Variants in COL4A3 observed in about 807,000 individuals in gnomAD.
COL4A3 encodes the protein collagen alpha-3(IV) chain.
Under a neutral mutation model 217.4 loss-of-function variants are expected in COL4A3, and 135 were observed. That is an observed-to-expected ratio of 0.62 (90% CI 0.54 to 0.72). COL4A3 has a LOEUF of 0.72. COL4A3 is among the 30% of genes least tolerant of loss of function. The probability of loss-of-function intolerance (pLI) is 0.00; values close to 1 mark genes in which losing one functional copy is unlikely to be tolerated. For synonymous variants in COL4A3, 690 were observed against 736.3 expected (o/e 0.94, Z 1.02); for missense variants, 1,868 against 2,119.9 (o/e 0.88, Z 2.33).
intron 3 of COL4A3, among the ~76,000 whole-genome samples, chr2:227,242,037 A>G (rs2069053896): frequency 6.6e-6 from 1 of 152,190 alleles, no homozygotes; most frequent in Non-Finnish European, 1.5e-5. Flanking sequence ...CTGGATGCCA[A>G]CTGGGTACCC....
At chr2:227,200,224 A>G (rs538616413) in intron 1 of COL4A3, among the ~76,000 whole-genome samples, 42 of 152,212 alleles carry the variant, frequency 2.8e-4, no homozygotes, top group Non-Finnish European at 5.0e-4. Flanking sequence ...GTATGTGTAG[A>G]TACAATTCGA....
intron 44 of COL4A3, 37 bp downstream of exon 44, chr2:227,303,147 C>G (rs756737386): frequency 1.3e-6 from 2 of 1,536,372 alleles, no homozygotes; most frequent in Non-Finnish European, 1.8e-6. Context: ...TATGCAAATA[C>G]CATAACCTCA....
intron 17 of COL4A3, chr2:227,256,679 T>C: frequency 1.7e-6 from 1 of 579,134 alleles, no homozygotes; most frequent in Non-Finnish European, 3.2e-6. Context: ...GAAAAAATCC[T>C]ACAATTGTAG....
At chr2:227,199,938 T>C (rs2066620941) in intron 1 of COL4A3, among the ~76,000 whole-genome samples, 1 of 152,224 alleles carries the variant, frequency 6.6e-6, no homozygotes, top group South Asian at 2.1e-4. Context: ...AACTCATAAA[T>C]TATATTGCAT....
intron 6 of COL4A3, among the ~76,000 whole-genome samples, chr2:227,246,422 T>C (rs1224302796): frequency 6.6e-6 from 1 of 152,220 alleles, no homozygotes; most frequent in Non-Finnish European, 1.5e-5. Flanking sequence ...TTACTCAAGT[T>C]TGAAGGAAAC....
At chr2:227,280,635 T>C (rs758333682) in intron 30 of COL4A3, 45 bp downstream of exon 30, 1 of 1,603,500 alleles carries the variant, frequency 6.2e-7, no homozygotes, top group African/African-American at 1.3e-5. Flanking sequence ...TGAGCTCTGC[T>C]AAAATGCAGC....
chr2:227,181,453 A>T lies in COL4A3; in HGVS notation c.87+16640A>T, dbSNP rs372028865. Among the ~76,000 whole-genome samples the T allele has an allele frequency of 4.4e-4, 67 of 152,376 alleles. 1 individual carries two copies. The highest frequency in any genetic ancestry group is 1.5e-3 in the African/African-American group (61 of 41,602). On this transcript the variant is annotated intron_variant, in intron 1 of 51. Transcript: ENST00000396578. ...ACTGCAACTAATTATTAGATTGAAC[A>T]TAACTATTCTTTATACACAGATCTT...
intron 1 of COL4A3, among the ~76,000 whole-genome samples, chr2:227,192,231 A>C (rs1423726957): frequency 6.6e-6 from 1 of 151,480 alleles, no homozygotes; most frequent in Non-Finnish European, 1.5e-5. Flanking sequence ...TTTGTCTTGA[A>C]CAGCTTGTCT....
chr2:227,298,834 G>T, intron 43 of COL4A3, 22 bp downstream of exon 43: 1 of 1,608,396 alleles, frequency 6.2e-7, no homozygotes, highest in South Asian at 1.1e-5. Flanking sequence ...TAATTATTTT[G>T]ACTCATTATT....
chr2:227,271,087 A>C, intron 25 of COL4A3, 135 bp downstream of exon 25: 1 of 787,656 alleles, frequency 1.3e-6, no homozygotes, highest in Non-Finnish European at 2.2e-6. Flanking sequence ...ACATCTTCAA[A>C]TTAGCAGGAA....
At chr2:227,168,874 CTT>C (rs61092725) in intron 1 of COL4A3, among the ~76,000 whole-genome samples, 3 of 150,484 alleles carry the variant, frequency 2.0e-5, no homozygotes, top group Admixed American at 1.3e-4. Context: ...TTCTTTCCTT[CTT>C]TTTTTTCTTT....
rs962722902 is a variant in COL4A3, at chr2:227,250,186, G to A, written c.547-954G>A. Among the ~76,000 whole-genome samples the A allele has an allele frequency of 1.2e-4, 19 of 152,070 alleles. No homozygotes were observed. Among genetic ancestry groups the A allele is most frequent in the Non-Finnish European group, 2.4e-4 (16 of 68,026 alleles). On this transcript the variant is annotated intron_variant, in intron 9 of 51. Coordinates refer to ENST00000396578, the MANE Select transcript of COL4A3 (RefSeq NM_000091.5). This position sits in a 1 kb window ranked among gnomAD's most constrained non-coding sequence, Gnocchi z 4.1. The stretch of plus-strand genomic sequence containing the variant: ...AAATTAGCCAGGTGTGGTGGCGTGC[G>A]CCTGTAGTTCCAGCTACTTGGGAGG...
intron 27 of COL4A3, 135 bp from the exon 28 acceptor site, chr2:227,277,314 A>G: frequency 1.6e-6 from 1 of 616,144 alleles, no homozygotes; most frequent in East Asian, 2.9e-5. Context: ...CCGAAACTCC[A>G]TCAACAGGAA....
chr2:227,246,889 A>G (rs2069382560), intron 7 of COL4A3, 151 bp downstream of exon 7: 1 of 759,658 alleles, frequency 1.3e-6, no homozygotes, highest in East Asian at 2.5e-5. Flanking sequence ...GGAATGGATG[A>G]ATACATGCAT....
At chr2:227,263,267 T>G (rs939615189) in intron 20 of COL4A3, among the ~76,000 whole-genome samples, 45 of 152,334 alleles carry the variant, frequency 3.0e-4, no homozygotes, top group African/African-American at 1.1e-3. Flanking sequence ...GACTGTCCCC[T>G]CCTCACATCC....
Position 227,304,154 on chromosome 2 carries a change from T to C in COL4A3, c.4153+10T>C, listed in dbSNP as rs865866667. Reference sequence around the variant, plus strand: ...CCACCTGGAAACCTAGGTGTGGGACTGGCAGCATTGACTTGGATCACTAGG... The same window carrying C: ...CCACCTGGAAACCTAGGTGTGGGACCGGCAGCATTGACTTGGATCACTAGG... On this transcript the variant is annotated intron_variant, in intron 46 of 51. Coordinates refer to ENST00000396578, the MANE Select transcript of COL4A3 (RefSeq NM_000091.5). 39 of 1,613,734 alleles carry C rather than the reference T, an allele frequency of 2.4e-5. 2 individuals carry two copies. The Middle Eastern group carries it at 6.0e-3, about 248-fold the overall frequency.
At chr2:227,183,031 T>C (rs558793401) in intron 1 of COL4A3, among the ~76,000 whole-genome samples, 3 of 152,334 alleles carry the variant, frequency 2.0e-5, no homozygotes, top group South Asian at 2.1e-4. Flanking sequence ...AGACTTGTTT[T>C]TACATGTGAA....
At chr2:227,223,380 A>G (rs1159728053) in intron 1 of COL4A3, among the ~76,000 whole-genome samples, 1 of 152,218 alleles carries the variant, frequency 6.6e-6, no homozygotes, top group Non-Finnish European at 1.5e-5. Flanking sequence ...CTATCAAGGA[A>G]GTGTGTTACT....
chr2:227,305,091 C>A lies in COL4A3; in HGVS notation c.4252+8C>A. The A allele has an allele frequency of 6.2e-7, 1 of 1,612,226 alleles. No individual in the cohort carries two copies. Among genetic ancestry groups the A allele is most frequent in the Non-Finnish European group, 8.5e-7 (1 of 1,178,880 alleles). Reference sequence around the variant, plus strand: ...GTTCTAAAGGAGAGCCAGGTAAACCCCCAGCTTGTTTCCTCACCGAAGAAG... The same window carrying A: ...GTTCTAAAGGAGAGCCAGGTAAACCACCAGCTTGTTTCCTCACCGAAGAAG... On this transcript the variant is annotated splice_region_variant and intron_variant, in intron 47 of 51. Transcript: ENST00000396578.
Sources: gnomAD v4.1 joint callset for allele counts (sites outside exome capture counted in the v4.1 genomes callset) on GRCh38, gnomAD v4.1.1 for gene constraint, Gnocchi (gnomAD v3.1) non-coding constraint, MANE v1.5 for transcripts, NCBI Gene and HGNC (gene_info 2026-07-23, HGNC 2026-07-21) for gene names.